The following SORCS3 variants were observed in gnomAD, a reference collection of about 807,000 sequenced individuals.
SORCS3 encodes the protein VPS10 domain-containing receptor SorCS3.
Under a neutral mutation model 146.3 loss-of-function variants are expected in SORCS3, and 57 were observed. The ratio of observed to expected loss-of-function variants is 0.39; its 90% confidence interval spans 0.31 to 0.49. The LOEUF (loss-of-function observed/expected upper bound fraction) is 0.49. Ranked by LOEUF, SORCS3 falls within the 20% of genes least tolerant of loss-of-function variation. The probability of loss-of-function intolerance (pLI) is 0.92; values close to 1 mark genes in which losing one functional copy is unlikely to be tolerated. For synonymous variants in SORCS3, 653 were observed against 618.5 expected (o/e 1.06, Z -0.83); for missense variants, 1,341 against 1,575.5 (o/e 0.85, Z 2.52).
intron 2 of SORCS3, among the ~76,000 whole-genome samples, chr10:104,865,928 T>A (rs958593300): frequency 1.3e-5 from 2 of 152,324 alleles, no homozygotes; most frequent in Admixed American, 1.3e-4. Context: ...TGAGTCTTCA[T>A]GGGAAGGAGG....
At chr10:105,059,006 C>A (rs1263229859) in intron 5 of SORCS3, among the ~76,000 whole-genome samples, 1 of 152,164 alleles carries the variant, frequency 6.6e-6, no homozygotes, top group Non-Finnish European at 1.5e-5. Flanking sequence ...TTCGGCCCCA[C>A]CTGGAAATCC....
chr10:105,036,953 A>G (rs1260184863), intron 4 of SORCS3, among the ~76,000 whole-genome samples: 4 of 152,166 alleles, frequency 2.6e-5, no homozygotes, highest in South Asian at 2.1e-4. Context: ...TAACTTTCCT[A>G]TGAGGAAAGT....
At chr10:104,642,559 C>T (rs1004700366) in intron 1 of SORCS3, among the ~76,000 whole-genome samples, 5 of 152,076 alleles carry the variant, frequency 3.3e-5, no homozygotes, top group Non-Finnish European at 7.4e-5. Flanking sequence ...ACCCCGGTTC[C>T]TCCTTCAAAG....
intron 3 of SORCS3, among the ~76,000 whole-genome samples, chr10:104,949,318 A>G (rs1460312578): frequency 6.6e-6 from 1 of 152,192 alleles, no homozygotes; most frequent in African/African-American, 2.4e-5. Context: ...GCCATGGGGA[A>G]AGAGAAATAG....
intron 2 of SORCS3, among the ~76,000 whole-genome samples, chr10:104,852,731 AATC>A (rs1261202854): frequency 1.3e-5 from 2 of 152,218 alleles, no homozygotes; most frequent in African/African-American, 4.8e-5. Context: ...TGATGAGCGT[AATC>A]ATTCATGCAG....
At chr10:104,877,849 T>G (rs2018592513) in intron 2 of SORCS3, among the ~76,000 whole-genome samples, 1 of 152,184 alleles carries the variant, frequency 6.6e-6, no homozygotes, top group Non-Finnish European at 1.5e-5. Context: ...ATTATGATAG[T>G]TTTCAAAGTC....
At chr10:104,977,200 AT>A in intron 3 of SORCS3, 134 bp from the exon 4 acceptor site, 2 of 575,876 alleles carry the variant, frequency 3.5e-6, no homozygotes, top group Non-Finnish European at 5.2e-6. Flanking sequence ...TAATACAAGT[AT>A]TTTTTACAGA....
chr10:104,746,092 A>G (rs2016905542), intron 1 of SORCS3, among the ~76,000 whole-genome samples: 1 of 151,468 alleles, frequency 6.6e-6, no homozygotes, highest in Non-Finnish European at 1.5e-5. Context: ...ACAAATAATA[A>G]TTGTATATAT....
At chr10:104,899,135 C>T (rs146679086) in intron 2 of SORCS3, among the ~76,000 whole-genome samples, 27 of 152,318 alleles carry the variant, frequency 1.8e-4, no homozygotes, top group African/African-American at 6.5e-4. Flanking sequence ...AATGAAACAG[C>T]AGCTTCCTAT....
intron 4 of SORCS3, among the ~76,000 whole-genome samples, chr10:105,011,540 GGTAAACGCAGTTATTTATCTTAATTGC>G (rs1186477168): frequency 5.3e-5 from 8 of 151,984 alleles, no homozygotes; most frequent in African/African-American, 1.9e-4. Flanking sequence ...GATGTTTTAA[GGTAAACGCAGTTATTTATCTTAATTGC>G]GTGGCTCCTA....
intron 1 of SORCS3, among the ~76,000 whole-genome samples, chr10:104,834,935 C>T (rs970427963): frequency 6.6e-6 from 1 of 151,812 alleles, no homozygotes; most frequent in Non-Finnish European, 1.5e-5. Flanking sequence ...CATGCTGAGC[C>T]ACAGAGTTGG....
intron 1 of SORCS3, among the ~76,000 whole-genome samples, chr10:104,727,970 C>T (rs545355120): frequency 1.5e-4 from 23 of 152,202 alleles, no homozygotes; most frequent in Admixed American, 1.2e-3. Context: ...TCCACAAAAC[C>T]GGTCCCTGGT....
At chr10:104,907,795 G>A (rs2133594522) in intron 2 of SORCS3, among the ~76,000 whole-genome samples, 1 of 152,338 alleles carries the variant, frequency 6.6e-6, no homozygotes, top group East Asian at 1.9e-4. Flanking sequence ...TTCCTGTGGA[G>A]TTTCTGAAGC....
intron 1 of SORCS3, among the ~76,000 whole-genome samples, chr10:104,696,077 TC>T (rs2016177580): frequency 4.9e-4 from 9 of 18,328 alleles, no homozygotes; most frequent in Admixed American, 3.8e-3. Context: ...ATAATATATA[TC>T]ATATACACAT....
At chr10:104,750,857 G>A (rs1429549901) in intron 1 of SORCS3, among the ~76,000 whole-genome samples, 1 of 151,980 alleles carries the variant, frequency 6.6e-6, no homozygotes, top group African/African-American at 2.4e-5. Flanking sequence ...GATACAATAA[G>A]CAAAAAAACT....
At chr10:104,876,148 C>G (rs2018569034) in intron 2 of SORCS3, among the ~76,000 whole-genome samples, 1 of 152,196 alleles carries the variant, frequency 6.6e-6, no homozygotes, top group South Asian at 2.1e-4. Context: ...ACAAAAAGGA[C>G]TGTGACTTCA....
At chr10:104,812,819 C>G (rs901600169) in intron 1 of SORCS3, among the ~76,000 whole-genome samples, 1 of 152,100 alleles carries the variant, frequency 6.6e-6, no homozygotes, top group African/African-American at 2.4e-5. Flanking sequence ...CAAAGGGTAA[C>G]CAGAGCAGTA....
intron 5 of SORCS3, among the ~76,000 whole-genome samples, chr10:105,056,122 C>G (rs1427925059): frequency 6.6e-6 from 1 of 152,122 alleles, no homozygotes; most frequent in Non-Finnish European, 1.5e-5. Context: ...TTTGAATTGG[C>G]AAGTAAGAAA....
chr10:105,175,625 A>T (rs2056395424), intron 13 of SORCS3, among the ~76,000 whole-genome samples: 1 of 152,116 alleles, frequency 6.6e-6, no homozygotes, highest in Non-Finnish European at 1.5e-5. Flanking sequence ...TTCCAATTAT[A>T]CATGTTTTCA....
Sources: allele counts gnomAD v4.1 joint callset (sites outside exome capture counted in the v4.1 genomes callset), GRCh38; gene constraint gnomAD v4.1.1; transcripts MANE v1.5; gene names NCBI Gene and HGNC (gene_info 2026-07-23, HGNC 2026-07-21).